Variants in CCDC7 observed in about 807,000 individuals in gnomAD.
The protein encoded by CCDC7 is coiled-coil domain-containing protein 7.
A neutral mutation model predicts 196.9 loss-of-function variants in CCDC7; 183 were observed. That is an observed-to-expected ratio of 0.93 (90% CI 0.82 to 1.05). The LOEUF (loss-of-function observed/expected upper bound fraction) is 1.05, where lower values mean the gene tolerates loss of function less well. Ranked by LOEUF, CCDC7 falls within the 50% of genes least tolerant of loss-of-function variation. CCDC7 has a pLI of 0.00. For missense variants in CCDC7, 1,540 were observed against 1,482.2 expected (o/e 1.04, Z -0.64); for synonymous variants, 525 against 484.6 (o/e 1.08, Z -1.10).
chr10:32,607,765 A>G (rs894790849), intron 18 of CCDC7, among the ~76,000 whole-genome samples: 2 of 152,076 alleles, frequency 1.3e-5, no homozygotes, highest in Non-Finnish European at 2.9e-5. Context: ...AATTTTCATC[A>G]GGGGTTTTGG....
At chr10:32,734,234 A>G (rs2084474992) in intron 28 of CCDC7, among the ~76,000 whole-genome samples, 1 of 152,224 alleles carries the variant, frequency 6.6e-6, no homozygotes, top group Non-Finnish European at 1.5e-5. Flanking sequence ...CATATACACC[A>G]TGGAATACTA....
chr10:32,571,573 A>G (rs976737957), intron 15 of CCDC7, among the ~76,000 whole-genome samples: 1 of 152,152 alleles, frequency 6.6e-6, no homozygotes. Flanking sequence ...CTGTTGCTCT[A>G]ATAAACATGC....
intron 8 of CCDC7, among the ~76,000 whole-genome samples, chr10:32,487,688 A>G (rs1030685370): frequency 6.6e-6 from 1 of 152,060 alleles, no homozygotes; most frequent in Non-Finnish European, 1.5e-5. Flanking sequence ...TCTGTTTGTT[A>G]ATTTTCCTTC....
intron 25 of CCDC7, among the ~76,000 whole-genome samples, chr10:32,715,052 G>T (rs1001307525): frequency 5.3e-5 from 8 of 152,190 alleles, no homozygotes; most frequent in African/African-American, 1.9e-4. Context: ...CTCTGCTAAG[G>T]GACAGACTGC....
At chr10:32,503,260 T>G (rs1269081635) in intron 9 of CCDC7, among the ~76,000 whole-genome samples, 2 of 149,006 alleles carry the variant, frequency 1.3e-5, no homozygotes, top group Admixed American at 6.9e-5. Flanking sequence ...CACTGTTGAG[T>G]ATAATAATGT....
At chr10:32,740,160 G>C (rs911302082) in intron 28 of CCDC7, among the ~76,000 whole-genome samples, 1 of 152,084 alleles carries the variant, frequency 6.6e-6, no homozygotes, top group Admixed American at 6.6e-5. Context: ...CCGTGTTGAA[G>C]GGTAGAAAGC....
exon 1 of CCDC7, chr10:32,451,745 C>A (rs1279025390): frequency 6.2e-7 from 1 of 1,614,058 alleles, no homozygotes; most frequent in Non-Finnish European, 8.5e-7. Context: ...ATCACCTGAG[C>A]TAAAGGAAAA....
intron 6 of CCDC7, among the ~76,000 whole-genome samples, chr10:32,472,015 C>G (rs1404195356): frequency 1.3e-5 from 2 of 151,760 alleles, no homozygotes; most frequent in Non-Finnish European, 2.9e-5. Context: ...ACTATTATAC[C>G]CCAATTTTAA....
chr10:32,816,014 A>T (rs568315795), intron 31 of CCDC7, among the ~76,000 whole-genome samples: 2 of 152,322 alleles, frequency 1.3e-5, no homozygotes, highest in Admixed American at 1.3e-4. Flanking sequence ...CAGTGCACCA[A>T]GTGTGAGCTG....
chr10:32,698,638 AAG>A (rs2078126720), intron 24 of CCDC7, among the ~76,000 whole-genome samples: 1 of 149,970 alleles, frequency 6.7e-6, no homozygotes, highest in Non-Finnish European at 1.5e-5. Context: ...ATGAAGTGAG[AAG>A]AGAAGTTTAG....
chr10:32,461,709 G>GTGTATATATA (rs1471520620), intron 3 of CCDC7, among the ~76,000 whole-genome samples: 1 of 57,478 alleles, frequency 1.7e-5, no homozygotes, highest in Non-Finnish European at 3.2e-5. Context: ...GTGTGTGTGT[G>GTGTATATATA]TATATATATA....
At chr10:32,795,198 A>G (rs1032903554) in intron 29 of CCDC7, among the ~76,000 whole-genome samples, 7 of 152,180 alleles carry the variant, frequency 4.6e-5, no homozygotes, top group Admixed American at 3.3e-4. Context: ...TTGAACAGTA[A>G]TAATTCTTAG....
chr10:32,827,844 T>C (rs557089065), intron 32 of CCDC7, among the ~76,000 whole-genome samples: 2 of 150,172 alleles, frequency 1.3e-5, no homozygotes, highest in African/African-American at 5.1e-5. Flanking sequence ...CAAAGCCATA[T>C]TTTTTGTGGG....
intron 28 of CCDC7, among the ~76,000 whole-genome samples, chr10:32,747,362 A>T (rs1456681884): frequency 6.6e-6 from 1 of 152,240 alleles, no homozygotes; most frequent in Non-Finnish European, 1.5e-5. Flanking sequence ...AAAAATTGAC[A>T]AGTGGAATCT....
upstream of CCDC7, among the ~76,000 whole-genome samples, chr10:32,448,247 T>C (rs1432313321): frequency 6.6e-6 from 1 of 152,006 alleles, no homozygotes; most frequent in East Asian, 1.9e-4. Context: ...TTGAGAATTT[T>C]CTGTTTGTGC....
chr10:32,870,838 A>T (rs1043790850), intron 41 of CCDC7, among the ~76,000 whole-genome samples: 2 of 152,158 alleles, frequency 1.3e-5, no homozygotes, highest in Non-Finnish European at 2.9e-5. Flanking sequence ...CTTTTTCCGC[A>T]TCTATTGAGA....
At chr10:32,477,197 T>C (rs1251171276) in intron 8 of CCDC7, among the ~76,000 whole-genome samples, 2 of 149,570 alleles carry the variant, frequency 1.3e-5, no homozygotes, top group African/African-American at 2.4e-5. Flanking sequence ...TTTATAACTA[T>C]GATCCATTTT....
At chr10:32,668,714 A>T (rs1006591496) in intron 21 of CCDC7, among the ~76,000 whole-genome samples, 2 of 152,112 alleles carry the variant, frequency 1.3e-5, no homozygotes, top group Non-Finnish European at 2.9e-5. Context: ...CATCCCAGGG[A>T]TGAAGCCCAC....
chr10:32,770,736 T>C (rs2079040225), intron 28 of CCDC7, among the ~76,000 whole-genome samples: 1 of 152,212 alleles, frequency 6.6e-6, no homozygotes, highest in African/African-American at 2.4e-5. Flanking sequence ...TATTATTGTT[T>C]TGCTATCTTA....
Sources: allele counts gnomAD v4.1 joint callset (sites outside exome capture counted in the v4.1 genomes callset), GRCh38; gene constraint gnomAD v4.1.1; transcripts MANE v1.5; gene names NCBI Gene and HGNC (gene_info 2026-07-23, HGNC 2026-07-21).